Variants in GTF2E2 observed in about 807,000 individuals in gnomAD.
GTF2E2 encodes the protein transcription initiation factor IIE subunit beta.
GTF2E2 carries 21 observed loss-of-function variants against 40.5 expected under a neutral mutation model. The ratio of observed to expected loss-of-function variants is 0.52; its 90% CI spans 0.37 to 0.75. GTF2E2 has a LOEUF of 0.75. Among genes scored for constraint, GTF2E2 ranks in the 30% least tolerant of loss-of-function variants. The pLI, the probability that GTF2E2 is intolerant of heterozygous loss-of-function variation, is 0.00. For synonymous variants in GTF2E2, 117 were observed against 121.6 expected, an observed-to-expected ratio of 0.96 and a Z score of 0.25; for missense variants, 298 against 338.4, an observed-to-expected ratio of 0.88 and a Z score of 0.94.
chr8:30,605,718 G>A (rs375105285), intron 6 of GTF2E2, among the ~76,000 whole-genome samples: 13 of 151,694 alleles, frequency 8.6e-5, no homozygotes, highest in Middle Eastern at 3.4e-3. Context: ...GCTGGAGTGC[G>A]GTGGCACAAT....
chr8:30,606,790 C>T (rs1340459342), intron 6 of GTF2E2, among the ~76,000 whole-genome samples: 1 of 151,980 alleles, frequency 6.6e-6, no homozygotes, highest in Non-Finnish European at 1.5e-5. Flanking sequence ...GAAATAAACC[C>T]GTTTGGTTCA....
At chr8:30,602,932 T>C (rs1002668784) in intron 6 of GTF2E2, among the ~76,000 whole-genome samples, 60 of 152,300 alleles carry the variant, frequency 3.9e-4, no homozygotes, top group Middle Eastern at 6.8e-3. Context: ...CCACCCCATT[T>C]TTCCTGTTTT....
intron 3 of GTF2E2, among the ~76,000 whole-genome samples, chr8:30,626,003 T>G (rs1801261215): frequency 6.6e-6 from 1 of 152,188 alleles, no homozygotes; most frequent in Admixed American, 6.5e-5. Flanking sequence ...TGTCAGCAGC[T>G]CCCTTCCCAA....
In GTF2E2 at chr8:30,653,496, A is replaced by T. The variant is rs773425049; in HGVS notation, c.103T>A (p.Ser35Thr). Residue 35 changes from serine (S) to threonine (T), a missense_variant, in exon 2 of 8, where the codon TCG becomes ACG. Transcript: ENST00000355904. ...ACCTTTGTTTTCTTCTTCTTTGACG[A>T]TGATGATGATGACTCAGAAGATGCT... is the stretch of plus-strand genomic sequence containing the variant. ...RSASSESSSSSSKKKKTKVEH... is the reference protein window; with the variant it reads ...RSASSESSSSTSKKKKTKVEH... 1 of 1,608,504 alleles carries T rather than the reference A, an allele frequency of 6.2e-7. No homozygotes were observed. The highest frequency in any genetic ancestry group is 8.5e-7 in the Non-Finnish European group (1 of 1,175,310).
chr8:30,599,176 A>G (rs1217194286), intron 6 of GTF2E2, among the ~76,000 whole-genome samples: 1 of 152,190 alleles, frequency 6.6e-6, no homozygotes, highest in African/African-American at 2.4e-5. Flanking sequence ...AGGCATTAGT[A>G]TTTTCAAAAA....
chr8:30,651,008 C>T (rs554631409), intron 2 of GTF2E2, among the ~76,000 whole-genome samples: 4 of 92,390 alleles, frequency 4.3e-5, no homozygotes, highest in Middle Eastern at 0.011. Context: ...AGCAAGACTC[C>T]GTCTCAAAAA....
chr8:30,605,478 A>G (rs746433530), intron 6 of GTF2E2, among the ~76,000 whole-genome samples: 10 of 152,216 alleles, frequency 6.6e-5, no homozygotes, highest in Non-Finnish European at 1.5e-4. Context: ...GCAGCTAGAG[A>G]AGGGAAAGGC....
intron 3 of GTF2E2, among the ~76,000 whole-genome samples, chr8:30,620,291 C>A (rs1231224544): frequency 6.6e-6 from 1 of 151,578 alleles, no homozygotes; most frequent in African/African-American, 2.4e-5. Context: ...TACACACATT[C>A]ATTCCTTTGA....
At chr8:30,580,168 C>T (rs1828474284) in intron 7 of GTF2E2, 113 bp downstream of exon 7, 2 of 688,232 alleles carry the variant, frequency 2.9e-6, no homozygotes, top group African/African-American at 1.8e-5. Context: ...GGGCTGCGGA[C>T]ACTGAGAAAC....
chr8:30,595,994 T>G (rs1828994081), intron 6 of GTF2E2, among the ~76,000 whole-genome samples: 1 of 152,372 alleles, frequency 6.6e-6, no homozygotes, highest in South Asian at 2.1e-4. Flanking sequence ...TCGGTCTGCA[T>G]GGGTTCTAAT....
At chr8:30,584,630 GA>G (rs1240229044) in intron 6 of GTF2E2, 2 of 152,156 alleles carry the variant, frequency 1.3e-5, no homozygotes, top group Non-Finnish European at 2.9e-5. Flanking sequence ...CATGAGTTAA[GA>G]ATAAAAAACT....
At chr8:30,640,596 C>A (rs1395094610) in intron 2 of GTF2E2, among the ~76,000 whole-genome samples, 1 of 152,182 alleles carries the variant, frequency 6.6e-6, no homozygotes, top group Non-Finnish European at 1.5e-5. Flanking sequence ...TTTATATACA[C>A]CATTTTCTCT....
At chr8:30,602,572 C>T (rs1182837773) in intron 6 of GTF2E2, among the ~76,000 whole-genome samples, 1 of 151,990 alleles carries the variant, frequency 6.6e-6, no homozygotes, top group East Asian at 1.9e-4. Context: ...GACTGACCAA[C>T]ATGGAGAAAC....
At chr8:30,637,109 T>C in intron 2 of GTF2E2, 1 of 411,612 alleles carries the variant, frequency 2.4e-6, no homozygotes, top group Non-Finnish European at 4.8e-6. Context: ...AGAGTATAGA[T>C]TCAAATCCAG....
At chr8:30,610,304 G>T (rs1272778341) in intron 5 of GTF2E2, among the ~76,000 whole-genome samples, 1 of 151,902 alleles carries the variant, frequency 6.6e-6, no homozygotes, top group Non-Finnish European at 1.5e-5. Flanking sequence ...AAATTAGTTG[G>T]GTGTGGTGGT....
intron 6 of GTF2E2, among the ~76,000 whole-genome samples, chr8:30,592,150 G>A (rs1488124840): frequency 5.3e-5 from 8 of 152,152 alleles, no homozygotes; most frequent in Non-Finnish European, 4.4e-5. Flanking sequence ...AGCTGAGGTA[G>A]GCAGATCACT....
chr8:30,651,970 G>C (rs7828054), intron 2 of GTF2E2, among the ~76,000 whole-genome samples: 51,637 of 152,056 alleles, frequency 0.34, 8,799 homozygotes, highest in African/African-American at 0.4. Context: ...ATTCAACAGG[G>C]GAAAGATCAT....
chr8:30,644,299 G>A (rs952557226), intron 2 of GTF2E2, among the ~76,000 whole-genome samples: 51 of 152,128 alleles, frequency 3.4e-4, no homozygotes, highest in African/African-American at 1.1e-3. Flanking sequence ...TGATACCTTT[G>A]GGAGGGCTGA....
intron 3 of GTF2E2, among the ~76,000 whole-genome samples, chr8:30,622,627 G>C (rs939592035): frequency 2.0e-5 from 3 of 151,960 alleles, no homozygotes; most frequent in African/African-American, 7.3e-5. Context: ...AATAAGCCTG[G>C]GAGCACTATG....
Sources: gnomAD v4.1 joint callset for allele counts (sites outside exome capture counted in the v4.1 genomes callset) on GRCh38, gnomAD v4.1.1 for gene constraint, MANE v1.5 for transcripts, NCBI Gene and HGNC (gene_info 2026-07-23, HGNC 2026-07-21) for gene names.